DIXDC1: variants seen among roughly 807,000 people sequenced by gnomAD.
The protein encoded by DIXDC1 is DIX domain containing 1.
DIXDC1 carries 64 observed loss-of-function variants against 103.1 expected under a neutral mutation model. The observed-to-expected ratio is 0.62, with a 90% confidence interval of 0.51 to 0.76. The LOEUF is 0.76. DIXDC1 is among the 30% of genes least tolerant of loss of function. DIXDC1 has a pLI of 0.00. For missense variants in DIXDC1, 759 were observed against 834.2 expected, an observed-to-expected ratio of 0.91 and a Z score of 1.11; for synonymous variants, 266 against 298.5, an observed-to-expected ratio of 0.89 and a Z score of 1.12.
chr11:111,960,101 G>A (rs138223368), intron 1 of DIXDC1, among the ~76,000 whole-genome samples: 1,536 of 151,648 alleles, frequency 0.01, 28 homozygotes, highest in African/African-American at 0.035. Flanking sequence ...GTAGAGACAG[G>A]GTTTCACCAT....
chr11:111,971,343 A>G (rs145983781), intron 3 of DIXDC1, among the ~76,000 whole-genome samples: 51 of 152,364 alleles, frequency 3.3e-4, no homozygotes, highest in Middle Eastern at 3.4e-3. Flanking sequence ...AGTGGCCAAC[A>G]AACATATGAA....
At chr11:111,951,049 G>A (rs1183766606) in intron 1 of DIXDC1, among the ~76,000 whole-genome samples, 1 of 151,914 alleles carries the variant, frequency 6.6e-6, no homozygotes, top group Non-Finnish European at 1.5e-5. Context: ...GAAAAAAAAG[G>A]GAGAAATACA....
rs1183078874 is a variant in DIXDC1, at chr11:111,988,065, C to G, written c.1063-940C>G. On this transcript the variant is annotated intron_variant, in intron 9 of 19. Transcript: ENST00000440460. ...CCCAGGCTGAGTGCCATGGCACGAT[C>G]ATGGCTAACTGCAGCTTCGACCCCC... 5.3e-5 allele frequency among the ~76,000 whole-genome samples: 8 copies of G among 152,050 alleles called. No homozygotes were observed. The East Asian group carries it at 1.5e-3, about 29-fold the overall frequency.
intron 3 of DIXDC1, among the ~76,000 whole-genome samples, chr11:111,970,210 C>T (rs1480430290): frequency 1.3e-5 from 2 of 151,884 alleles, no homozygotes; most frequent in Non-Finnish European, 2.9e-5. Flanking sequence ...CATGCGCCAC[C>T]ATGCCTGGCT....
At chr11:112,004,058 ATATATGTGTATATATATGTGTGTG>A (rs1861156020) in intron 17 of DIXDC1, among the ~76,000 whole-genome samples, 7 of 147,126 alleles carry the variant, frequency 4.8e-5, no homozygotes, top group South Asian at 2.1e-4. Flanking sequence ...ATGTATGTAT[ATATATGTGTATATATATGTGTGTG>A]TATATGTGTA....
At chr11:111,992,903 G>A (rs782041654) in intron 11 of DIXDC1, 48 bp from the exon 12 acceptor site, 1 of 1,560,834 alleles carries the variant, frequency 6.4e-7, no homozygotes, top group Non-Finnish European at 8.7e-7. Context: ...TTCCTTGAGG[G>A]TTAGCAGGCA....
chr11:111,957,850 A>G (rs1346595582), intron 1 of DIXDC1, among the ~76,000 whole-genome samples: 1 of 152,220 alleles, frequency 6.6e-6, no homozygotes, highest in East Asian at 1.9e-4. Flanking sequence ...GTATTTTGTC[A>G]CTGTTAGTGA....
intron 17 of DIXDC1, among the ~76,000 whole-genome samples, chr11:112,012,779 A>C (rs1322118227): frequency 6.6e-6 from 1 of 152,144 alleles, no homozygotes; most frequent in Non-Finnish European, 1.5e-5. Flanking sequence ...GTTCTCCCTC[A>C]TTACTCTTAT....
In DIXDC1 at chr11:112,019,669, C is replaced by T. The variant is rs1555178205; in HGVS notation, c.*633C>T. 2.6e-5 allele frequency: 4 copies of T among 152,640 alleles called. No homozygotes were observed. The highest frequency in any genetic ancestry group is 9.7e-5 in the African/African-American group (4 of 41,444). The allele number at this position is 152,640 out of a possible 1,614,324, so 9.5% of individuals were successfully genotyped here. On this transcript the variant is annotated 3_prime_UTR_variant, in exon 20 of 20. Transcript: ENST00000440460. ...TGCTAAAACTGTAATTTAGTAAGAC[C>T]TTGGGCTGCCTCTTCTGTCTTAACT...
rs782457488 is a variant in DIXDC1 at position 111,992,957 on chromosome 11, C to A, written c.1225C>A (p.Leu409Met). The change falls in exon 12 of 20, where the codon CTG becomes ATG. Residue 409 changes from leucine (L) to methionine (M), a missense_variant. Physicochemically the swap from Leu to Met is conservative, Grantham distance 15 (BLOSUM62 2). Coordinates refer to ENST00000440460, the MANE Select transcript of DIXDC1 (RefSeq NM_001037954.4). ...TTCTTTCTTATTCTTGCAGGTGGAT[C>A]TGCAGAGGAAGCTAGATGAGAGGAA... The part of the protein sequence containing the change: ...KDELHNQNVD[L>M]QRKLDERNRL... The A allele has an allele frequency of 8.1e-6, 13 of 1,607,826 alleles. No homozygotes were observed. The highest frequency in any genetic ancestry group is 1.0e-5 in the Non-Finnish European group (12 of 1,177,340).
intron 1 of DIXDC1, among the ~76,000 whole-genome samples, chr11:111,961,734 C>T (rs1566491489): frequency 6.6e-6 from 1 of 152,140 alleles, no homozygotes; most frequent in Non-Finnish European, 1.5e-5. Flanking sequence ...TGTTTGTCCC[C>T]CCGCAATTAA....
chr11:111,987,405 T>G (rs1731449633), intron 9 of DIXDC1, among the ~76,000 whole-genome samples: 1 of 152,208 alleles, frequency 6.6e-6, no homozygotes, highest in East Asian at 1.9e-4. Flanking sequence ...TTAATCCTGG[T>G]GGTAGGTAAT....
chr11:111,994,010 T>A (rs1223772098), intron 14 of DIXDC1, among the ~76,000 whole-genome samples: 2 of 152,230 alleles, frequency 1.3e-5, no homozygotes, highest in African/African-American at 4.8e-5. Context: ...CAGTCTGTCA[T>A]TATGAAGAGT....
Position 112,017,580 on chromosome 11 carries a change from A to C in DIXDC1, c.1863-197A>C, listed in dbSNP as rs1409176759. ...TAAATTCTCACATCACCCCATATTT[A>C]ATACTGTTTTCATTCCCTAGTGATG... On this transcript the variant is annotated intron_variant, in intron 18 of 19. Transcript: ENST00000440460. This position sits in a 1 kb window ranked among gnomAD's most constrained non-coding sequence, Gnocchi z 4.0. The C allele has an allele frequency of 2.5e-6, 1 of 400,926 alleles. No homozygotes were observed. The highest frequency in any genetic ancestry group is 4.6e-6 in the Non-Finnish European group (1 of 219,474). 24.8% of individuals were successfully genotyped at this position (400,926 alleles called of 1,614,324 possible).
At chr11:111,969,208 A>C (rs1161380267) in intron 3 of DIXDC1, among the ~76,000 whole-genome samples, 1 of 151,998 alleles carries the variant, frequency 6.6e-6, no homozygotes, top group East Asian at 2.0e-4. Context: ...CGGGAGGATC[A>C]CTTGAGCCCA....
rs587628647 is a variant in DIXDC1, at chr11:111,990,085, C to T, written c.1113+1030C>T. ...GATTACAGGTGTGAGCCACCGCGCC[C>T]GGCCTTTTTTTTTTTTTAATGTTGA... On this transcript the variant is annotated intron_variant, in intron 10 of 19. Transcript: ENST00000440460. Among the ~76,000 whole-genome samples the T allele has an allele frequency of 3.3e-3, 479 of 143,156 alleles. 5 individuals carry two copies. Among genetic ancestry groups the T allele is most frequent in the Non-Finnish European group, 3.5e-3 (229 of 65,444 alleles). The allele number at this position is 143,156 out of a possible 152,430, so 93.9% of individuals were successfully genotyped here.
chr11:111,996,945 AACCTGCTCCGTGCCC>A (rs1860920596), intron 17 of DIXDC1, among the ~76,000 whole-genome samples: 2 of 152,234 alleles, frequency 1.3e-5, no homozygotes, highest in South Asian at 4.1e-4. Context: ...AGTGTATTTT[AACCTGCTCCGTGCCC>A]ACTCTATATT....
chr11:111,983,125 CT>C (rs1860372365), intron 7 of DIXDC1, among the ~76,000 whole-genome samples: 1 of 152,306 alleles, frequency 6.6e-6, no homozygotes, highest in East Asian at 1.9e-4. Flanking sequence ...GTGTGTCTGT[CT>C]CTGTTTGGGG....
Position 111,995,310 on chromosome 11 carries a change from A to G in DIXDC1, c.1528-93A>G, listed in dbSNP as rs1860859479. 4.6e-6 allele frequency: 7 copies of G among 1,531,064 alleles called. No individual in the cohort carries two copies. The African/African-American group carries it at 5.5e-5, about 12-fold the overall frequency. 94.8% of individuals were successfully genotyped at this position (1,531,064 alleles called of 1,614,324 possible). On this transcript the variant is annotated intron_variant, in intron 15 of 19. Coordinates refer to ENST00000440460, the MANE Select transcript of DIXDC1 (RefSeq NM_001037954.4). ...ATAGGCCTGCTTCTGTGGGGGAAAA[A>G]TCTTCTGGAAACTTCTCTCCTATAT...
Sources: allele counts gnomAD v4.1 joint callset (sites outside exome capture counted in the v4.1 genomes callset), GRCh38; gene constraint gnomAD v4.1.1; non-coding constraint Gnocchi (gnomAD v3.1); transcripts MANE v1.5; gene names NCBI Gene and HGNC (gene_info 2026-07-23, HGNC 2026-07-21).